PDE1C: variants seen among roughly 807,000 people sequenced by gnomAD.
PDE1C encodes the protein phosphodiesterase 1C, also known as dual specificity calcium/calmodulin-dependent 3',5'-cyclic nucleotide phosphodiesterase 1C.
In PDE1C, 62 loss-of-function variants were observed where a neutral mutation model predicts 93.1. The observed-to-expected ratio is 0.67, with a 90% CI of 0.54 to 0.82. The LOEUF (loss-of-function observed/expected upper bound fraction) is 0.82. Ranked by LOEUF, PDE1C falls within the 40% of genes least tolerant of loss-of-function variation. The probability of loss-of-function intolerance (pLI) is 0.00; values close to 1 mark genes in which losing one functional copy is unlikely to be tolerated. For synonymous variants in PDE1C, 325 were observed against 310.1 expected (o/e 1.05, Z -0.50); for missense variants, 742 against 884.6 (o/e 0.84, Z 2.04).
intron 3 of PDE1C, among the ~76,000 whole-genome samples, chr7:32,098,792 T>TCTATCACCTTGACTA (rs1797903421): frequency 6.6e-6 from 1 of 152,182 alleles, no homozygotes; most frequent in African/African-American, 2.4e-5. Flanking sequence ...TCATCTCTCT[T>TCTATCACCTTGACTA]CTATCACCTT....
downstream of PDE1C, among the ~76,000 whole-genome samples, chr7:31,749,782 G>A (rs1411939641): frequency 1.4e-5 from 2 of 139,410 alleles, no homozygotes; most frequent in Non-Finnish European, 3.0e-5. Flanking sequence ...CTGTCGCACA[G>A]GCTGGAGTGC....
chr7:32,386,183 A>G (rs1440589046), intron 1 of PDE1C, among the ~76,000 whole-genome samples: 1 of 129,978 alleles, frequency 7.7e-6, no homozygotes, highest in Non-Finnish European at 1.6e-5. Flanking sequence ...GTTTTACACT[A>G]TTTTTAATTT....
intron 3 of PDE1C, among the ~76,000 whole-genome samples, chr7:32,109,453 C>G (rs540029572): frequency 1.3e-5 from 2 of 152,106 alleles, no homozygotes; most frequent in Non-Finnish European, 2.9e-5. Context: ...ATTTCTCAGC[C>G]TCAGCACTAC....
chr7:32,384,683 T>C (rs1168116917), intron 1 of PDE1C, among the ~76,000 whole-genome samples: 2 of 152,090 alleles, frequency 1.3e-5, no homozygotes, highest in African/African-American at 4.8e-5. Flanking sequence ...TTAAGGAGGG[T>C]AAATTTTCCC....
intron 8 of PDE1C, among the ~76,000 whole-genome samples, chr7:31,850,244 A>AATGTTGTT (rs1334268336): frequency 6.6e-6 from 1 of 152,128 alleles, no homozygotes; most frequent in African/African-American, 2.4e-5. Context: ...AAGATTGGTC[A>AATGTTGTT]ATGTTGTTAA....
intron 2 of PDE1C, among the ~76,000 whole-genome samples, chr7:31,889,407 C>A (rs530967449): frequency 1.3e-5 from 2 of 152,230 alleles, no homozygotes; most frequent in South Asian, 4.1e-4. Context: ...AGAAAACAGG[C>A]AATGTAAGTT....
At chr7:31,705,469 TCCCA>T in the PDE1C span, among the ~76,000 whole-genome samples, 4 of 148,266 alleles carry the variant, frequency 2.7e-5, no homozygotes, top group Non-Finnish European at 5.9e-5. Context: ...GAGAAATATC[TCCCA>T]CTGTGTTTCA....
chr7:31,725,269 C>G, the PDE1C span, among the ~76,000 whole-genome samples: 2 of 152,160 alleles, frequency 1.3e-5, no homozygotes, highest in Non-Finnish European at 2.9e-5. Context: ...AGGGAGCTCT[C>G]TCTACATTGC....
intron 2 of PDE1C, among the ~76,000 whole-genome samples, chr7:31,911,175 T>C (rs1377743647): frequency 2.6e-5 from 4 of 152,216 alleles, no homozygotes; most frequent in African/African-American, 9.6e-5. Context: ...TGATGGTACA[T>C]ATTGGTTATT....
At chr7:32,395,207 A>G (rs1375031951) in intron 1 of PDE1C, among the ~76,000 whole-genome samples, 1 of 152,236 alleles carries the variant, frequency 6.6e-6, no homozygotes, top group East Asian at 1.9e-4. Context: ...ATGGGGAGAA[A>G]CAAACATCAA....
intron 3 of PDE1C, among the ~76,000 whole-genome samples, chr7:32,112,421 C>A (rs1188365781): frequency 6.6e-6 from 1 of 151,950 alleles, no homozygotes; most frequent in Non-Finnish European, 1.5e-5. Context: ...GATAACTATC[C>A]CTTCCTGACC....
At chr7:32,411,958 A>C (rs919268535) in intron 1 of PDE1C, among the ~76,000 whole-genome samples, 1 of 152,090 alleles carries the variant, frequency 6.6e-6, no homozygotes, top group Non-Finnish European at 1.5e-5. Flanking sequence ...ACGCAGGGTC[A>C]AGATCATCAA....
intron 2 of PDE1C, among the ~76,000 whole-genome samples, chr7:31,968,042 C>G (rs536564037): frequency 4.7e-4 from 71 of 151,904 alleles, no homozygotes; most frequent in African/African-American, 1.6e-3. Flanking sequence ...CCTTTGAAAA[C>G]TGGCACAAGA....
At chr7:32,290,584 G>A (rs1198653189) in intron 1 of PDE1C, among the ~76,000 whole-genome samples, 1 of 152,180 alleles carries the variant, frequency 6.6e-6, no homozygotes, top group African/African-American at 2.4e-5. Flanking sequence ...CCCAGCCACA[G>A]AGATAGGAAG....
chr7:32,104,942 C>T (rs1798223702), intron 3 of PDE1C, among the ~76,000 whole-genome samples: 1 of 152,150 alleles, frequency 6.6e-6, no homozygotes, highest in Non-Finnish European at 1.5e-5. Flanking sequence ...TGGTTTTCCT[C>T]TTCAAGGCTT....
Position 32,364,549 on chromosome 7 carries a change from T to C in PDE1C, c.310+63273A>G, listed in dbSNP as rs536375704. The stretch of plus-strand genomic sequence containing the variant: ...CAGCCCCATTACCACTGCAAACACC[T>C]ACAGCCCTTACTACCAGAGAATCCC... On this transcript the variant is annotated intron_variant, in intron 1 of 1. Coordinates refer to the PDE1C transcript ENST00000672256. 2.0e-5 allele frequency among the ~76,000 whole-genome samples: 3 copies of C among 152,328 alleles called. No homozygotes were observed. In the East Asian group the frequency reaches 5.8e-4, roughly 29 times the overall value.
At chr7:31,761,592 CTT>C (rs1794836483) in intron 17 of PDE1C, among the ~76,000 whole-genome samples, 1 of 152,154 alleles carries the variant, frequency 6.6e-6, no homozygotes, top group Non-Finnish European at 1.5e-5. Context: ...CTCCAGGACT[CTT>C]TAACTTGGTG....
chr7:31,720,153 G>C, the PDE1C span, among the ~76,000 whole-genome samples: 4 of 113,968 alleles, frequency 3.5e-5, no homozygotes, highest in African/African-American at 7.0e-5. Flanking sequence ...CTGGGCAACA[G>C]AGCGAGACTC....
At chr7:32,081,679 G>C (rs558802496) in intron 3 of PDE1C, among the ~76,000 whole-genome samples, 7 of 152,122 alleles carry the variant, frequency 4.6e-5, no homozygotes, top group Admixed American at 4.6e-4. Context: ...CAAACAATGA[G>C]GTGGAATTAG....
Sources: allele counts gnomAD v4.1 joint callset (sites outside exome capture counted in the v4.1 genomes callset), GRCh38; gene constraint gnomAD v4.1.1; transcripts MANE v1.5; gene names NCBI Gene and HGNC (gene_info 2026-07-23, HGNC 2026-07-21).